Variants in HNRNPUL1 observed in about 807,000 individuals in gnomAD.
HNRNPUL1 encodes the protein heterogeneous nuclear ribonucleoprotein U like 1.
In HNRNPUL1, 14 loss-of-function variants were observed where a neutral mutation model predicts 108.5. The observed-to-expected ratio is 0.13, with a 90% CI of 0.09 to 0.20. The LOEUF (loss-of-function observed/expected upper bound fraction) is 0.20. Ranked by LOEUF, HNRNPUL1 falls within the 10% of genes least tolerant of loss-of-function variation. HNRNPUL1 has a pLI of 1.00. For synonymous variants in HNRNPUL1, 422 were observed against 445.2 expected (o/e 0.95, Z 0.66); for missense variants, 804 against 1,168.3 (o/e 0.69, Z 4.55).
At chr19:41,304,991 C>T (rs564200904) in intron 13 of HNRNPUL1, among the ~76,000 whole-genome samples, 19 of 152,294 alleles carry the variant, frequency 1.2e-4, no homozygotes, top group African/African-American at 4.1e-4. Context: ...AATAGCTTCC[C>T]GTCTCTGGGC....
chr19:41,296,312 T>G (rs549253184), intron 10 of HNRNPUL1, among the ~76,000 whole-genome samples: 1 of 152,364 alleles, frequency 6.6e-6, no homozygotes, highest in African/African-American at 2.4e-5. Context: ...ACTGTCAGCC[T>G]TCTTGGCTGC....
Position 41,264,652 on chromosome 19 carries a change from CCGA to C in HNRNPUL1, c.156_158del (p.Asp52del), listed in dbSNP as rs1453828911. 6.3e-7 allele frequency: 1 copy of C among 1,584,716 alleles called. No homozygotes were observed. Among genetic ancestry groups the C allele is most frequent in the African/African-American group, 1.4e-5 (1 of 73,086 alleles). ...CCTGACGACGAGCGGGAGCTCGACGCCGACGACGAACCGGGGCGACCCGGGCAC... is the reference window on the plus strand; with the variant it reads ...CCTGACGACGAGCGGGAGCTCGACGCCGACGAACCGGGGCGACCCGGGCAC... On this transcript the variant is annotated inframe_deletion, in exon 1 of 15. Transcript: ENST00000392006.
intron 10 of HNRNPUL1, among the ~76,000 whole-genome samples, chr19:41,295,990 T>G (rs1338260519): frequency 6.6e-6 from 1 of 152,202 alleles, no homozygotes; most frequent in Non-Finnish European, 1.5e-5. Flanking sequence ...TACCTGATCC[T>G]CCTTGTCGGG....
intron 2 of HNRNPUL1, among the ~76,000 whole-genome samples, chr19:41,271,795 C>A (rs546838150): frequency 6.6e-6 from 1 of 152,336 alleles, no homozygotes; most frequent in East Asian, 1.9e-4. Context: ...TCTCCCCCTC[C>A]CTTGCCAGAC....
At chr19:41,274,441 C>T (rs902914223) in intron 4 of HNRNPUL1, among the ~76,000 whole-genome samples, 1 of 152,216 alleles carries the variant, frequency 6.6e-6, no homozygotes, top group African/African-American at 2.4e-5. Flanking sequence ...GGAAACTTAA[C>T]TCTTTGACAA....
At position 41,294,535 on chromosome 19, in the gene HNRNPUL1, C is replaced by T. The variant is rs991499215; in HGVS notation, c.1390-23C>T. Reference sequence around the variant, plus strand: ...CTGCCCTGCAACTAAAATCACTCACCCCTCACCAATTCCTGCCCGCAGGTG... The same window carrying T: ...CTGCCCTGCAACTAAAATCACTCACTCCTCACCAATTCCTGCCCGCAGGTG... On this transcript the variant is annotated intron_variant, in intron 9 of 14. Coordinates refer to ENST00000392006, the MANE Select transcript of HNRNPUL1 (RefSeq NM_007040.6). The surrounding 1 kb of genome is among the most constrained non-coding windows in gnomAD (Gnocchi z 4.3). 1 of 1,613,862 alleles carries T rather than the reference C, an allele frequency of 6.2e-7. No homozygotes were observed. The highest frequency in any genetic ancestry group is 1.7e-5 in the Admixed American group (1 of 60,006).
Position 41,306,772 on chromosome 19 carries a change from CA to C in HNRNPUL1, c.*209del, listed in dbSNP as rs749871285. 5.7e-5 allele frequency: 23 copies of C among 401,056 alleles called. No homozygotes were observed. The highest frequency in any genetic ancestry group is 8.9e-5 in the Non-Finnish European group (20 of 225,578). 24.8% of individuals were successfully genotyped at this position (401,056 alleles called of 1,614,324 possible). ...TTTTTTTCTGGATTCAAACAGGCAA[CA>C]ATGACCTTTTATTTTCTGTTTGTCC... On this transcript the variant is annotated 3_prime_UTR_variant, in exon 15 of 15. Transcript: ENST00000392006.
chr19:41,268,656 C>G (rs1353220404), intron 2 of HNRNPUL1, among the ~76,000 whole-genome samples: 1 of 151,888 alleles, frequency 6.6e-6, no homozygotes, highest in African/African-American at 2.4e-5. Flanking sequence ...GTCTGGAGTT[C>G]GAGACCAGCC....
rs546332811 is a variant in HNRNPUL1 at position 41,291,869 on chromosome 19, T to C, written c.1000-376T>C. On this transcript the variant is annotated intron_variant, in intron 7 of 14. Transcript: ENST00000392006. ...TGTGGAACATGCCTGTAGTCCCAGCTACTCAGGAGGCTGAGGTGGGAGGAT... is the reference window on the plus strand; with the variant it reads ...TGTGGAACATGCCTGTAGTCCCAGCCACTCAGGAGGCTGAGGTGGGAGGAT... 6 of 207,778 alleles carry C rather than the reference T, an allele frequency of 2.9e-5. No homozygotes were observed. In the East Asian group the frequency reaches 7.4e-4, roughly 26 times the overall value. 12.9% of individuals were successfully genotyped at this position (207,778 alleles called of 1,614,324 possible). A position where few individuals can be genotyped will look rare whatever the true frequency, so the allele number is the denominator to read the frequency against.
chr19:41,306,453 C>G lies in HNRNPUL1; in HGVS notation c.2459C>G (p.Ala820Gly). The part of the protein sequence containing the change: ...QPSYNQYQQY[A>G]QQWNQYYQNQ... Reference sequence around the variant, plus strand: ...GTTCTTGGTTTCTTTCCCCAGTATGCCCAGCAGTGGAACCAGTACTATCAG... The same window carrying G: ...GTTCTTGGTTTCTTTCCCCAGTATGGCCAGCAGTGGAACCAGTACTATCAG... Residue 820 changes from alanine (A) to glycine (G), a missense_variant, in exon 15 of 15, where the codon GCC (alanine) becomes GGC (glycine). Ala to Gly is a moderately conservative substitution (Grantham distance 60). Coordinates refer to ENST00000392006, the MANE Select transcript of HNRNPUL1 (RefSeq NM_007040.6). 6.3e-7 allele frequency: 1 copy of G among 1,579,012 alleles called. No homozygotes were observed. The highest frequency in any genetic ancestry group is 8.6e-7 in the Non-Finnish European group (1 of 1,165,234).
intron 13 of HNRNPUL1, 72 bp from the exon 14 acceptor site, chr19:41,305,604 C>A: frequency 3.1e-6 from 5 of 1,589,854 alleles, no homozygotes; most frequent in Non-Finnish European, 2.6e-6. Context: ...GCCCTTTTTC[C>A]ATCCCAGCAT....
intron 3 of HNRNPUL1, chr19:41,272,476 CGT>C (rs2035300047): frequency 4.9e-6 from 2 of 410,766 alleles, no homozygotes; most frequent in East Asian, 8.7e-5. Context: ...GACTTTCACG[CGT>C]GAGATGCCAG....
chr19:41,288,459 G>T (rs140723042), intron 7 of HNRNPUL1, among the ~76,000 whole-genome samples: 1,820 of 152,104 alleles, frequency 0.012, 11 homozygotes, highest in Admixed American at 0.016. Context: ...GGTCAGGCTG[G>T]TCTCGAACTC....
At chr19:41,281,366 T>A (rs2035889396) in intron 7 of HNRNPUL1, 91 bp downstream of exon 7, 2 of 779,198 alleles carry the variant, frequency 2.6e-6, no homozygotes, top group African/African-American at 3.4e-5. Context: ...GTCTGCCCCA[T>A]ATCCAGCCAC....
At chr19:41,270,553 T>G (rs1437719653) in intron 2 of HNRNPUL1, among the ~76,000 whole-genome samples, 1 of 151,836 alleles carries the variant, frequency 6.6e-6, no homozygotes, top group Non-Finnish European at 1.5e-5. Context: ...GTATATGTCT[T>G]TACAGAACAA....
In HNRNPUL1 at chr19:41,281,212, C is replaced by T; in HGVS notation, c.936C>T (p.Thr312=). 1 of 1,614,152 alleles carries T rather than the reference C, an allele frequency of 6.2e-7. No homozygotes were observed. The highest frequency in any genetic ancestry group is 8.5e-7 in the Non-Finnish European group (1 of 1,180,010). Residue 312 remains threonine, a synonymous_variant, in exon 7 of 15, where the codon ACC becomes ACT. Transcript: ENST00000392006. The stretch of plus-strand genomic sequence containing the variant: ...ATGGAGGCACTGGGAAGAAGTCCAC[C>T]AATAGCCGGTTTGAAAACTACGGAG... The part of the protein sequence containing the change: ...YGYGGTGKKS[T]NSRFENYGDK...
chr19:41,268,134 C>T (rs2034969629), intron 1 of HNRNPUL1, 89 bp from the exon 2 acceptor site: 1 of 1,323,496 alleles, frequency 7.6e-7, no homozygotes, highest in South Asian at 1.3e-5. Flanking sequence ...TAGTTGAGCT[C>T]CTGGACCTGC....
chr19:41,277,511 T>G (rs1160402242), intron 5 of HNRNPUL1, among the ~76,000 whole-genome samples: 1 of 152,186 alleles, frequency 6.6e-6, no homozygotes, highest in African/African-American at 2.4e-5. Context: ...TGTTTGTTTG[T>G]TTTTTTGTTT....
chr19:41,269,336 A>T (rs2035065390), intron 2 of HNRNPUL1, among the ~76,000 whole-genome samples: 1 of 151,818 alleles, frequency 6.6e-6, no homozygotes, highest in South Asian at 2.1e-4. Context: ...CATGGCTATG[A>T]CTGACTACAT....
Sources: allele counts gnomAD v4.1 joint callset (sites outside exome capture counted in the v4.1 genomes callset), GRCh38; gene constraint gnomAD v4.1.1; non-coding constraint Gnocchi (gnomAD v3.1); transcripts MANE v1.5; gene names NCBI Gene and HGNC (gene_info 2026-07-23, HGNC 2026-07-21).